XRCC4: variants seen among roughly 807,000 people sequenced by gnomAD.
XRCC4 encodes DNA repair protein XRCC4.
XRCC4 carries 28 observed loss-of-function variants against 39.1 expected under a neutral mutation model. That is an observed-to-expected ratio of 0.72 (90% CI 0.53 to 0.98). XRCC4 has a LOEUF of 0.98. Ranked by LOEUF, XRCC4 falls within the 50% of genes least tolerant of loss-of-function variation. XRCC4 has a pLI of 0.00. For missense variants in XRCC4, 350 were observed against 376.4 expected (o/e 0.93, Z 0.58); for synonymous variants, 123 against 126.4 (o/e 0.97, Z 0.18).
rs1330164502 is a variant in XRCC4, at chr5:83,240,463, A to G, written c.746-18067A>G. 2.6e-5 allele frequency among the ~76,000 whole-genome samples: 4 copies of G among 152,332 alleles called. No homozygotes were observed. In the East Asian group the frequency reaches 5.8e-4, roughly 22 times the overall value. ...GAGGGGAGAGCTGAGAACTATGTGGAGATAGAATTGACAGAACTTAATTAT... is the reference window on the plus strand; with the variant it reads ...GAGGGGAGAGCTGAGAACTATGTGGGGATAGAATTGACAGAACTTAATTAT... On this transcript the variant is annotated intron_variant, in intron 6 of 7. Coordinates refer to ENST00000396027, the MANE Select transcript of XRCC4 (RefSeq NM_003401.5).
chr5:83,079,772 G>T (rs1467177484), intron 1 of XRCC4, among the ~76,000 whole-genome samples: 2 of 152,086 alleles, frequency 1.3e-5, no homozygotes, highest in Non-Finnish European at 2.9e-5. Context: ...GGGCTCAAGT[G>T]ATCCTCCCGC....
At chr5:83,213,126 A>G (rs1751719525) in intron 6 of XRCC4, among the ~76,000 whole-genome samples, 1 of 152,046 alleles carries the variant, frequency 6.6e-6, no homozygotes, top group Admixed American at 6.6e-5. Flanking sequence ...AAAAAAAGAA[A>G]TCATAACCAA....
chr5:83,206,274 G>A (rs1377517732), intron 6 of XRCC4, among the ~76,000 whole-genome samples: 1 of 152,138 alleles, frequency 6.6e-6, no homozygotes, highest in African/African-American at 2.4e-5. Flanking sequence ...ATTCGGTGAA[G>A]GATGAGGCTG....
At chr5:83,316,725 G>C (rs1351179797) in intron 7 of XRCC4, among the ~76,000 whole-genome samples, 2 of 122,344 alleles carry the variant, frequency 1.6e-5, no homozygotes, top group Non-Finnish European at 1.7e-5. Context: ...GACCTACAAA[G>C]AGACTTAGAC....
intron 3 of XRCC4, among the ~76,000 whole-genome samples, chr5:83,127,564 T>TG (rs1335575337): frequency 3.9e-5 from 6 of 152,086 alleles, no homozygotes; most frequent in Admixed American, 3.3e-4. Flanking sequence ...TTTTTGTTTT[T>TG]TTTTAAATAA....
At chr5:83,174,252 G>A (rs868057469) in intron 3 of XRCC4, among the ~76,000 whole-genome samples, 1 of 152,058 alleles carries the variant, frequency 6.6e-6, no homozygotes. Flanking sequence ...TTTAACCATG[G>A]CTATAAGTGC....
intron 3 of XRCC4, among the ~76,000 whole-genome samples, chr5:83,130,431 T>G (rs564514371): frequency 6.6e-6 from 1 of 152,266 alleles, no homozygotes; most frequent in South Asian, 2.1e-4. Flanking sequence ...AAAATTGTCT[T>G]TTTTTGGTTG....
intron 4 of XRCC4, among the ~76,000 whole-genome samples, chr5:83,198,109 G>T (rs1751028264): frequency 6.6e-6 from 1 of 152,132 alleles, no homozygotes; most frequent in Non-Finnish European, 1.5e-5. Context: ...TAGGACATGA[G>T]CATATGGAGT....
chr5:83,122,814 GT>G (rs1747073415), intron 3 of XRCC4, among the ~76,000 whole-genome samples: 1 of 151,960 alleles, frequency 6.6e-6, no homozygotes, highest in Non-Finnish European at 1.5e-5. Flanking sequence ...TTAGTAGTTT[GT>G]AATTTTGTTT....
chr5:83,220,086 T>C (rs1464139877), intron 6 of XRCC4, among the ~76,000 whole-genome samples: 1 of 152,110 alleles, frequency 6.6e-6, no homozygotes, highest in Non-Finnish European at 1.5e-5. Context: ...ACTAGGATTG[T>C]GGGTATAATT....
chr5:83,358,042 A>T (rs1757209247), downstream of XRCC4, among the ~76,000 whole-genome samples: 1 of 152,198 alleles, frequency 6.6e-6, no homozygotes, highest in Admixed American at 6.5e-5. Context: ...CAAAAGAACT[A>T]TTCATGCATC....
intron 6 of XRCC4, among the ~76,000 whole-genome samples, chr5:83,235,199 G>A (rs981557090): frequency 6.6e-6 from 1 of 151,570 alleles, no homozygotes; most frequent in Non-Finnish European, 1.5e-5. Flanking sequence ...GCTGGGCATG[G>A]TGGCATATAC....
chr5:83,134,282 T>C (rs62372753), intron 3 of XRCC4, among the ~76,000 whole-genome samples: 73,574 of 151,784 alleles, frequency 0.48, 18,788 homozygotes, highest in African/African-American at 0.63. Context: ...GCTTCTGGGA[T>C]GGGTGGGGAC....
At chr5:83,333,552 ACCT>A (rs1756502140) in intron 7 of XRCC4, among the ~76,000 whole-genome samples, 1 of 152,116 alleles carries the variant, frequency 6.6e-6, no homozygotes, top group African/African-American at 2.4e-5. Flanking sequence ...AGGTCATGTG[ACCT>A]CCTCTAAATT....
intron 7 of XRCC4, among the ~76,000 whole-genome samples, chr5:83,315,756 C>G (rs759738053): frequency 1.3e-5 from 2 of 152,100 alleles, no homozygotes; most frequent in Admixed American, 6.6e-5. Flanking sequence ...AAAAAAGATT[C>G]CTTTCAAAAT....
rs376618189 is a variant in XRCC4 at position 83,351,214 on chromosome 5, T to G, written c.894-1917T>G. Among the ~76,000 whole-genome samples, 197 of 152,328 alleles carry G rather than the reference T, an allele frequency of 1.3e-3. 1 individual carries two copies. The highest frequency in any genetic ancestry group is 4.5e-3 in the African/African-American group (187 of 41,570). ...CTTCTACCGTGAGGCTTCTCAGCCA[T>G]GTTTCCTGTACAGCCTGTGGAACTG... is the stretch of plus-strand genomic sequence containing the variant. On this transcript the variant is annotated intron_variant, in intron 7 of 7. Transcript: ENST00000396027.
intron 6 of XRCC4, among the ~76,000 whole-genome samples, chr5:83,220,035 A>G (rs1752020374): frequency 6.6e-6 from 1 of 152,154 alleles, no homozygotes; most frequent in African/African-American, 2.4e-5. Context: ...AGCACTTAAT[A>G]TGAGGGTCTT....
At chr5:83,198,795 T>C (rs1751056335) in intron 4 of XRCC4, among the ~76,000 whole-genome samples, 1 of 152,204 alleles carries the variant, frequency 6.6e-6, no homozygotes, top group Admixed American at 6.6e-5. Context: ...AATTACCACT[T>C]AATAATTGTG....
At chr5:83,195,331 A>G (rs1750893494) in intron 3 of XRCC4, among the ~76,000 whole-genome samples, 1 of 152,184 alleles carries the variant, frequency 6.6e-6, no homozygotes, top group Non-Finnish European at 1.5e-5. Flanking sequence ...TCTCTTAGCT[A>G]TAACAAAATT....
Sources: gnomAD v4.1 joint callset for allele counts (sites outside exome capture counted in the v4.1 genomes callset) on GRCh38, gnomAD v4.1.1 for gene constraint, MANE v1.5 for transcripts, NCBI Gene and HGNC (gene_info 2026-07-23, HGNC 2026-07-21) for gene names.